The following RPS6KC1 variants were observed in gnomAD, a reference collection of about 807,000 sequenced individuals.
RPS6KC1 encodes inactive ribosomal protein S6 kinase delta-1.
A neutral mutation model predicts 103.8 loss-of-function variants in RPS6KC1; 54 were observed. That is an observed-to-expected ratio of 0.52 (90% CI 0.42 to 0.65). The LOEUF (loss-of-function observed/expected upper bound fraction) is 0.65. Ranked by LOEUF, RPS6KC1 falls within the 30% of genes least tolerant of loss-of-function variation. The pLI, the probability that RPS6KC1 is intolerant of heterozygous loss-of-function variation, is 0.00. For synonymous variants in RPS6KC1, 439 were observed against 438.7 expected (o/e 1.00, Z -0.01); for missense variants, 1,151 against 1,253.8 (o/e 0.92, Z 1.24).
chr1:213,434,557 C>G, the RPS6KC1 span, among the ~76,000 whole-genome samples: 1 of 152,016 alleles, frequency 6.6e-6, no homozygotes, highest in Non-Finnish European at 1.5e-5. Flanking sequence ...CTGGGTTCAA[C>G]CAATTCTCCC....
chr1:213,181,151 A>T (rs1004413911), intron 8 of RPS6KC1, among the ~76,000 whole-genome samples: 3 of 152,184 alleles, frequency 2.0e-5, no homozygotes, highest in African/African-American at 4.8e-5. Context: ...TGATTCCCTC[A>T]TGGCCAGTTA....
At chr1:213,163,615 G>A (rs1182621941) in intron 6 of RPS6KC1, among the ~76,000 whole-genome samples, 5 of 151,516 alleles carry the variant, frequency 3.3e-5, no homozygotes, top group Admixed American at 6.6e-5. Context: ...TGAAAGAACC[G>A]TTTTTTATTC....
chr1:213,292,232 C>T, the RPS6KC1 span, among the ~76,000 whole-genome samples: 23 of 147,692 alleles, frequency 1.6e-4, no homozygotes, highest in Non-Finnish European at 2.8e-4. Flanking sequence ...CACATGTACC[C>T]TAAAACTTAA....
chr1:213,324,035 TATTC>T, the RPS6KC1 span, among the ~76,000 whole-genome samples: 1 of 152,246 alleles, frequency 6.6e-6, no homozygotes, highest in Non-Finnish European at 1.5e-5. Flanking sequence ...TTTATTATTT[TATTC>T]ATTCATTTAG....
chr1:213,618,324 G>T, the RPS6KC1 span, among the ~76,000 whole-genome samples: 1 of 152,256 alleles, frequency 6.6e-6, no homozygotes, highest in East Asian at 1.9e-4. Context: ...ATGAGATCAC[G>T]TGCATAAAAG....
chr1:213,287,497 A>G, the RPS6KC1 span, among the ~76,000 whole-genome samples: 2 of 152,214 alleles, frequency 1.3e-5, no homozygotes, highest in Non-Finnish European at 2.9e-5. Context: ...TGTGCGGTGT[A>G]CAACATGTAC....
intron 14 of RPS6KC1, among the ~76,000 whole-genome samples, chr1:213,264,450 TG>T (rs1211035974): frequency 6.6e-6 from 1 of 152,198 alleles, no homozygotes; most frequent in African/African-American, 2.4e-5. Flanking sequence ...TGCTATTTTT[TG>T]TTTCTCTTCC....
the RPS6KC1 span, among the ~76,000 whole-genome samples, chr1:213,453,396 CT>C: frequency 2.6e-5 from 4 of 151,966 alleles, no homozygotes; most frequent in Admixed American, 6.6e-5. Flanking sequence ...CCAGGATCAC[CT>C]TGTGGGGCCA....
chr1:213,650,612 G>A, the RPS6KC1 span, among the ~76,000 whole-genome samples: 5 of 152,112 alleles, frequency 3.3e-5, no homozygotes, highest in Admixed American at 6.5e-5. Context: ...ACAGATGAAC[G>A]GAAACCTGGG....
At chr1:213,157,919 CTA>C (rs1178119344) in intron 6 of RPS6KC1, among the ~76,000 whole-genome samples, 2 of 151,988 alleles carry the variant, frequency 1.3e-5, no homozygotes, top group African/African-American at 4.8e-5. Flanking sequence ...TATAAAATGT[CTA>C]TTATTGTCTG....
chr1:213,799,840 G>A, the RPS6KC1 span, among the ~76,000 whole-genome samples: 4 of 152,194 alleles, frequency 2.6e-5, no homozygotes, highest in Non-Finnish European at 4.4e-5. Flanking sequence ...GTCAGCTCAG[G>A]CTACCATAAC....
At chr1:213,341,143 G>T in the RPS6KC1 span, among the ~76,000 whole-genome samples, 1 of 152,164 alleles carries the variant, frequency 6.6e-6, no homozygotes, top group African/African-American at 2.4e-5. Context: ...TGAAGCTCCT[G>T]CTCATAGACC....
At chr1:213,826,145 A>G in the RPS6KC1 span, among the ~76,000 whole-genome samples, 1 of 152,196 alleles carries the variant, frequency 6.6e-6, no homozygotes, top group Non-Finnish European at 1.5e-5. Flanking sequence ...CATCTTTAGG[A>G]GAAAAAAATG....
the RPS6KC1 span, among the ~76,000 whole-genome samples, chr1:213,326,146 T>C: frequency 4.6e-5 from 7 of 151,670 alleles, no homozygotes; most frequent in Non-Finnish European, 8.8e-5. Flanking sequence ...CCAAATGATC[T>C]GAGTGTGATA....
the RPS6KC1 span, among the ~76,000 whole-genome samples, chr1:213,627,835 T>C: frequency 1.3e-5 from 2 of 152,254 alleles, no homozygotes; most frequent in African/African-American, 2.4e-5. Context: ...CAGTATTTTA[T>C]TGAGGATTTT....
rs973759679 is a variant in RPS6KC1, at chr1:213,132,692, G to A, written c.835+2803G>A. Among the ~76,000 whole-genome samples, 6 of 152,158 alleles carry A rather than the reference G, an allele frequency of 3.9e-5. No individual in the cohort carries two copies. In the East Asian group the frequency reaches 5.8e-4, roughly 15 times the overall value. On this transcript the variant is annotated intron_variant, in intron 6 of 14. Transcript: ENST00000366960. ...GAAATATCTCTATAGCCAGTAAAACGTATGAATCATTTAAATTGAACTCTT... is the reference window on the plus strand; with the variant it reads ...GAAATATCTCTATAGCCAGTAAAACATATGAATCATTTAAATTGAACTCTT...
chr1:213,265,926 GTTATC>G (rs945279043), intron 14 of RPS6KC1, among the ~76,000 whole-genome samples: 4 of 152,132 alleles, frequency 2.6e-5, no homozygotes, highest in Non-Finnish European at 4.4e-5. Context: ...TACTACCTGT[GTTATC>G]TTAAACAAGT....
At chr1:213,468,867 G>C in the RPS6KC1 span, among the ~76,000 whole-genome samples, 2 of 152,084 alleles carry the variant, frequency 1.3e-5, no homozygotes, top group Non-Finnish European at 2.9e-5. Flanking sequence ...TTGTTTTCTT[G>C]AATGTACCAG....
the RPS6KC1 span, among the ~76,000 whole-genome samples, chr1:213,416,956 C>T: frequency 6.6e-6 from 1 of 152,192 alleles, no homozygotes; most frequent in Non-Finnish European, 1.5e-5. Context: ...GGGGTGAAGA[C>T]CTAGCCGCAG....
Sources: allele counts gnomAD v4.1 joint callset (sites outside exome capture counted in the v4.1 genomes callset), GRCh38; gene constraint gnomAD v4.1.1; transcripts MANE v1.5; gene names NCBI Gene and HGNC (gene_info 2026-07-23, HGNC 2026-07-21).